The following ZNF581 variants were observed in gnomAD, a reference collection of about 807,000 sequenced individuals.
ZNF581 encodes zinc finger protein 581.
Under a neutral mutation model 1.2 loss-of-function variants are expected in ZNF581, and 1 was observed. That is an observed-to-expected ratio of 0.83 (90% CI 0.30 to 3.95). The LOEUF (loss-of-function observed/expected upper bound fraction) is 3.95, where lower values mean the gene tolerates loss of function less well. Ranked by LOEUF, ZNF581 falls within the 30% of genes most tolerant of loss-of-function variation. The pLI is 0.18. For synonymous variants in ZNF581, 105 were observed against 109.2 expected (o/e 0.96, Z 0.24); for missense variants, 273 against 274.6 (o/e 0.99, Z 0.04).
chr19:55,636,146 A>G (rs1186046391), upstream of ZNF581, among the ~76,000 whole-genome samples: 2 of 152,282 alleles, frequency 1.3e-5, no homozygotes, highest in Middle Eastern at 3.4e-3. Flanking sequence ...AATGTTATGC[A>G]TGGTGCTGAA....
At chr19:55,639,995 C>T (rs1414767189), upstream of ZNF581, 1 of 304,272 alleles carries the variant, frequency 3.3e-6, no homozygotes, top group African/African-American at 2.3e-5. Context: ...TCCCACGTGG[C>T]TAGTGACTGT....
upstream of ZNF581, chr19:55,643,157 C>T: frequency 1.1e-6 from 1 of 912,444 alleles, no homozygotes; most frequent in Non-Finnish European, 1.5e-6. Context: ...CCTCAGTTTC[C>T]CCACCTTCCA....
chr19:55,639,765 C>T (rs1982329858), upstream of ZNF581, among the ~76,000 whole-genome samples: 1 of 152,124 alleles, frequency 6.6e-6, no homozygotes, highest in Admixed American at 6.5e-5. Context: ...TGTAGGGGAG[C>T]ACCACTACGG....
chr19:55,636,301 C>G (rs1033128299), upstream of ZNF581, among the ~76,000 whole-genome samples: 2 of 151,960 alleles, frequency 1.3e-5, no homozygotes, highest in Non-Finnish European at 2.9e-5. Flanking sequence ...TCAGTGCCCT[C>G]AGGGGGTGGA....
At chr19:55,641,076 C>T (rs1052473027), upstream of ZNF581, 1 of 985,234 alleles carries the variant, frequency 1.0e-6, no homozygotes, top group African/African-American at 1.7e-5. Context: ...GCCGCCGGCC[C>T]GGAGCTGCCC....
At chr19:55,641,528 G>T (rs940595964), upstream of ZNF581, among the ~76,000 whole-genome samples, 7 of 152,172 alleles carry the variant, frequency 4.6e-5, no homozygotes, top group Non-Finnish European at 7.3e-5. Flanking sequence ...AGGTGAACAC[G>T]AGGAGAAAGA....
chr19:55,635,548 C>T, exon 1 of ZNF581: 1 of 477,108 alleles, frequency 2.1e-6, no homozygotes, highest in Non-Finnish European at 2.8e-6. Flanking sequence ...TGGAGTGCAT[C>T]TGATTGCCAG....
chr19:55,644,521 A>G lies in ZNF581; in HGVS notation c.-19-32A>G, dbSNP rs892032364. ...GTGGTGCTGAGCTGCCCTCTTCTAT[A>G]TAACCTTCTTATCCCATCTCCCATC... On this transcript the variant is annotated intron_variant, in intron 1 of 1. Coordinates refer to ENST00000270451, the MANE Select transcript of ZNF581 (RefSeq NM_016535.4). This position sits in a 1 kb window ranked among gnomAD's most constrained non-coding sequence, Gnocchi z 4.3. 4.3e-6 allele frequency: 6 copies of G among 1,402,256 alleles called. No homozygotes were observed. The African/African-American group carries it at 7.2e-5, about 17-fold the overall frequency. 86.9% of individuals were successfully genotyped at this position (1,402,256 alleles called of 1,614,324 possible).
upstream of ZNF581, among the ~76,000 whole-genome samples, chr19:55,641,550 C>T (rs1386108171): frequency 6.6e-6 from 1 of 152,072 alleles, no homozygotes; most frequent in African/African-American, 2.4e-5. Context: ...AGATGCCAGA[C>T]GTACACAGAA....
chr19:55,635,040 G>C (rs1046732248), upstream of ZNF581: 9 of 152,316 alleles, frequency 5.9e-5, no homozygotes, highest in Admixed American at 5.2e-4. Context: ...TTGCTGCGTA[G>C]GGATAGGGAG....
chr19:55,645,156 G>GCCTT lies in ZNF581; in HGVS notation c.586_587insCTTC (p.His196ProfsTer60). The GCCTT allele has an allele frequency of 1.3e-6, 2 of 1,513,672 alleles. No homozygotes were observed. Among genetic ancestry groups the GCCTT allele is most frequent in the Non-Finnish European group, 1.8e-6 (2 of 1,128,700 alleles). The allele number at this position is 1,513,672 out of a possible 1,614,324, so 93.8% of individuals were successfully genotyped here. A position where few individuals can be genotyped will look rare whatever the true frequency, so the allele number is the denominator to read the frequency against. ...CACTGCAGAAACACACGCGGTGGAA[G>GCCTT]CATCCATGAGCCGGGCTGCCGGGTG... On this transcript the variant is annotated frameshift_variant, in exon 2 of 2. Transcript: ENST00000270451. LOFTEE classifies it high-confidence loss of function.
Position 55,644,993 on chromosome 19 carries a change from G to T in ZNF581, c.422G>T (p.Gly141Val). 1 of 1,603,886 alleles carries T rather than the reference G, an allele frequency of 6.2e-7. No homozygotes were observed. The highest frequency in any genetic ancestry group is 8.5e-7 in the Non-Finnish European group (1 of 1,171,928). Residue 141 changes from glycine (G) to valine (V), a missense_variant, in exon 2 of 2, where the codon GGT becomes GTT. Transcript: ENST00000270451. This position sits in a 1 kb window ranked among gnomAD's most constrained non-coding sequence, Gnocchi z 4.3. The part of the protein sequence containing the change: ...ARHHSIHLAG[G>V]GRPHGCPLCP... ...CACCATTCCATTCACCTGGCGGGTG[G>T]TGGGCGGCCCCACGGCTGCCCGCTC...
chr19:55,640,175 C>T, upstream of ZNF581: 3 of 985,496 alleles, frequency 3.0e-6, no homozygotes, highest in African/African-American at 3.5e-5. Context: ...GCCGTGGCGC[C>T]ACGTGGCTGG....
chr19:55,641,192 G>C, upstream of ZNF581: 1 of 985,322 alleles, frequency 1.0e-6, no homozygotes, highest in Non-Finnish European at 1.2e-6. Flanking sequence ...GGGTACGGGG[G>C]CCGGGATGGA....
upstream of ZNF581, chr19:55,641,181 G>A: frequency 1.0e-6 from 1 of 985,346 alleles, no homozygotes; most frequent in Non-Finnish European, 1.2e-6. Context: ...GCCGCCGCAC[G>A]GGGTACGGGG....
At chr19:55,642,937 C>G (rs1982619681), upstream of ZNF581, 1 of 1,452,218 alleles carries the variant, frequency 6.9e-7, no homozygotes, top group Admixed American at 2.7e-5. Context: ...CCACGCACCG[C>G]GCCCGCGCCG....
upstream of ZNF581, chr19:55,640,193 G>T: frequency 2.0e-6 from 2 of 985,454 alleles, no homozygotes; most frequent in South Asian, 9.4e-5. Context: ...TGGAGGAGGA[G>T]CTGCAGCTGC....
upstream of ZNF581, chr19:55,642,135 T>C: frequency 9.8e-7 from 1 of 1,019,374 alleles, no homozygotes; most frequent in Non-Finnish European, 1.2e-6. Context: ...GCCCGGGGTC[T>C]AAGATGTAAA....
At chr19:55,642,706 G>C, upstream of ZNF581, 1 of 1,487,004 alleles carries the variant, frequency 6.7e-7, no homozygotes, top group South Asian at 1.3e-5. Flanking sequence ...ACACATACAC[G>C]GTGCAGCTGG....
Sources: allele counts gnomAD v4.1 joint callset (sites outside exome capture counted in the v4.1 genomes callset), GRCh38; gene constraint gnomAD v4.1.1; non-coding constraint Gnocchi (gnomAD v3.1); transcripts MANE v1.5; gene names NCBI Gene and HGNC (gene_info 2026-07-23, HGNC 2026-07-21).